CUBN: variants seen among roughly 807,000 people sequenced by gnomAD.
The protein encoded by CUBN is cubilin.
Under a neutral mutation model 405.3 loss-of-function variants are expected in CUBN, and 282 were observed. That is an observed-to-expected ratio of 0.70 (90% CI 0.63 to 0.77). CUBN has a LOEUF of 0.77. Among genes scored for constraint, CUBN ranks in the 30% least tolerant of loss-of-function variants. The pLI is 0.00. For missense variants in CUBN, 4,514 were observed against 4,475.2 expected (o/e 1.01, Z -0.25); for synonymous variants, 1,684 against 1,617.0 (o/e 1.04, Z -0.99).
intron 13 of CUBN, among the ~76,000 whole-genome samples, chr10:17,102,559 T>C (rs1836518606): frequency 6.7e-6 from 1 of 150,102 alleles, no homozygotes; most frequent in African/African-American, 2.5e-5. Context: ...AGTACTAGGA[T>C]CACAGGCGTG....
rs10556050 is a variant in CUBN, at chr10:17,104,812, A to AT, written c.1231-208dup. Among the ~76,000 whole-genome samples the AT allele has an allele frequency of 0.073, 10,146 of 138,558 alleles. 623 individuals are homozygous for AT. The highest frequency in any genetic ancestry group is 0.22 in the East Asian group (1,029 of 4,760). 90.9% of individuals were successfully genotyped at this position (138,558 alleles called of 152,430 possible). A position where few individuals can be genotyped will look rare whatever the true frequency, so the allele number is the denominator to read the frequency against. ...ATATATGTATAATTATATATATATA[A>AT]TTTTTTTTTTTTTTGAGATGGAGTC... On this transcript the variant is annotated intron_variant, in intron 11 of 66. Coordinates refer to ENST00000377833, the MANE Select transcript of CUBN (RefSeq NM_001081.4).
In CUBN at chr10:17,123,553, T is replaced by A. The variant is rs2273737; in HGVS notation, c.489+35A>T. 5.5e-3 allele frequency: 8,031 copies of A among 1,453,020 alleles called. 78 individuals are homozygous for A. Among genetic ancestry groups the A allele is most frequent in the South Asian group, 0.029 (2,485 of 86,500 alleles). The allele number at this position is 1,453,020 out of a possible 1,614,324, so 90.0% of individuals were successfully genotyped here. On this transcript the variant is annotated intron_variant, in intron 5 of 66. Transcript: ENST00000377833. ...TCCAAGGAAACCACAGATGCTGACC[T>A]GCCATCATTCTTAACCAAAGAGTAG...
Position 17,103,194 on chromosome 10 carries a change from G to A in CUBN, c.1461C>T (p.Tyr487=), listed in dbSNP as rs1836538979. The change falls in exon 13 of 67, where the codon TAC becomes TAT. Residue 487 remains tyrosine (Y), a synonymous_variant. Coordinates refer to ENST00000377833, the MANE Select transcript of CUBN (RefSeq NM_001081.4). Reference sequence around the variant, plus strand: ...GAACATAACCAACATCCGGGCTCCTGTAGCTGAAGCTTCCATTTATTCCTG... The same window carrying A: ...GAACATAACCAACATCCGGGCTCCTATAGCTGAAGCTTCCATTTATTCCTG... ...SLSGINGSFS[Y]RSPDVGYVHD... 2 of 1,613,834 alleles carry A rather than the reference G, an allele frequency of 1.2e-6. No homozygotes were observed. Among genetic ancestry groups the A allele is most frequent in the Non-Finnish European group, 1.7e-6 (2 of 1,179,802 alleles).
chr10:16,934,020 G>C (rs1265429893), intron 39 of CUBN, among the ~76,000 whole-genome samples: 1 of 152,152 alleles, frequency 6.6e-6, no homozygotes, highest in African/African-American at 2.4e-5. Context: ...TGCTGAACTG[G>C]AATAATGGCA....
intron 60 of CUBN, among the ~76,000 whole-genome samples, chr10:16,850,754 T>C (rs1163718766): frequency 6.6e-6 from 1 of 152,256 alleles, no homozygotes; most frequent in Non-Finnish European, 1.5e-5. Context: ...ATTACAGGCA[T>C]GAGCCACAGT....
At chr10:17,071,382 T>A (rs1835735053) in intron 19 of CUBN, 44 bp downstream of exon 19, 7 of 1,584,950 alleles carry the variant, frequency 4.4e-6, no homozygotes, top group African/African-American at 2.7e-5. Context: ...ATATTTTTTA[T>A]AATATACAAC....
At chr10:16,861,442 G>A (rs898539636) in intron 59 of CUBN, among the ~76,000 whole-genome samples, 3 of 151,872 alleles carry the variant, frequency 2.0e-5, no homozygotes, top group African/African-American at 4.8e-5. Flanking sequence ...GATTACAGGC[G>A]TGAGCCAGCA....
intron 29 of CUBN, among the ~76,000 whole-genome samples, chr10:16,987,825 G>C (rs1192856646): frequency 1.3e-5 from 2 of 152,114 alleles, no homozygotes; most frequent in African/African-American, 4.8e-5. Context: ...GCAAAACAAG[G>C]CTTTTGAACA....
chr10:17,059,566 G>A (rs902583397), intron 22 of CUBN, among the ~76,000 whole-genome samples: 1 of 152,274 alleles, frequency 6.6e-6, no homozygotes, highest in South Asian at 2.1e-4. Context: ...TATGACCTCT[G>A]ATATTCTAGG....
intron 62 of CUBN, among the ~76,000 whole-genome samples, chr10:16,837,040 C>A (rs547170204): frequency 6.6e-6 from 1 of 152,164 alleles, no homozygotes; most frequent in South Asian, 2.1e-4. Context: ...TCTTAGGAAC[C>A]TACTGAAACA....
chr10:17,011,166 C>T (rs1046161757), intron 28 of CUBN, among the ~76,000 whole-genome samples: 2 of 152,192 alleles, frequency 1.3e-5, no homozygotes, highest in Non-Finnish European at 2.9e-5. Context: ...TGTTCCAGGG[C>T]TAGATCACTC....
At chr10:17,016,107 A>G (rs1268918567) in intron 28 of CUBN, among the ~76,000 whole-genome samples, 1 of 152,136 alleles carries the variant, frequency 6.6e-6, no homozygotes, top group Non-Finnish European at 1.5e-5. Flanking sequence ...TTTAGGATCA[A>G]TTGACCCTCG....
intron 48 of CUBN, among the ~76,000 whole-genome samples, chr10:16,913,284 T>C (rs1429281775): frequency 6.6e-6 from 1 of 152,236 alleles, no homozygotes; most frequent in African/African-American, 2.4e-5. Flanking sequence ...TATTTGTTAT[T>C]CACACTCAGG....
At chr10:16,900,885 C>G (rs753818792) in intron 52 of CUBN, 35 bp from the exon 53 acceptor site, 1 of 1,369,524 alleles carries the variant, frequency 7.3e-7, no homozygotes, top group South Asian at 1.2e-5. Flanking sequence ...TGTCAGTGAG[C>G]TTTTATCAAC....
chr10:16,882,431 A>G (rs1424219933), intron 56 of CUBN, among the ~76,000 whole-genome samples: 1 of 152,258 alleles, frequency 6.6e-6, no homozygotes, highest in Non-Finnish European at 1.5e-5. Context: ...TATACCATGC[A>G]GTAAAATTTA....
chr10:16,981,242 A>T (rs1236057651), intron 31 of CUBN, among the ~76,000 whole-genome samples: 2 of 149,466 alleles, frequency 1.3e-5, no homozygotes. Flanking sequence ...GAGAAGAAGG[A>T]GCTGGACATC....
intron 19 of CUBN, among the ~76,000 whole-genome samples, chr10:17,070,231 A>G (rs1483248441): frequency 6.6e-6 from 1 of 152,164 alleles, no homozygotes; most frequent in Non-Finnish European, 1.5e-5. Context: ...ATCTATATTT[A>G]TATCCTTACT....
chr10:16,856,292 C>T (rs1172732506), intron 59 of CUBN, among the ~76,000 whole-genome samples: 4 of 152,142 alleles, frequency 2.6e-5, no homozygotes, highest in Admixed American at 2.6e-4. Flanking sequence ...GTGTCAGTCA[C>T]TCTCTGATGA....
At chr10:17,021,982 C>T (rs1037365533) in intron 27 of CUBN, among the ~76,000 whole-genome samples, 1 of 152,148 alleles carries the variant, frequency 6.6e-6, no homozygotes, top group African/African-American at 2.4e-5. Flanking sequence ...AATGAATGAA[C>T]GCAGTGATTT....
Sources: gnomAD v4.1 joint callset for allele counts (sites outside exome capture counted in the v4.1 genomes callset) on GRCh38, gnomAD v4.1.1 for gene constraint, MANE v1.5 for transcripts, NCBI Gene and HGNC (gene_info 2026-07-23, HGNC 2026-07-21) for gene names.